The following USP25 variants were observed in gnomAD, a reference collection of about 807,000 sequenced individuals.
USP25 encodes the protein ubiquitin carboxyl-terminal hydrolase 25.
Under a neutral mutation model 158.5 loss-of-function variants are expected in USP25, and 85 were observed. The observed-to-expected ratio is 0.54, with a 90% CI of 0.45 to 0.64. The LOEUF is 0.64. Among genes scored for constraint, USP25 ranks in the 30% least tolerant of loss-of-function variants. USP25 has a pLI of 0.00. For synonymous variants in USP25, 464 were observed against 460.4 expected, an observed-to-expected ratio of 1.01 and a Z score of -0.10; for missense variants, 1,242 against 1,327.3, an observed-to-expected ratio of 0.94 and a Z score of 1.00.
Position 15,879,688 on chromosome 21 carries a change from C to G in USP25, c.*1213C>G, listed in dbSNP as rs547480627. 7 of 152,628 alleles carry G rather than the reference C, an allele frequency of 4.6e-5. No individual in the cohort carries two copies. The highest frequency in any genetic ancestry group is 1.7e-4 in the African/African-American group (7 of 41,556). 9.5% of individuals were successfully genotyped at this position (152,628 alleles called of 1,614,324 possible). On this transcript the variant is annotated 3_prime_UTR_variant, in exon 26 of 26. Coordinates refer to ENST00000400183, the MANE Select transcript of USP25 (RefSeq NM_001283041.3). ...TTCTTTATAAATGATGTTTTGTGAA[C>G]ATAGTAAAATAGACCATTATACTAT...
At chr21:15,777,533 G>A (rs2034727712) in intron 3 of USP25, among the ~76,000 whole-genome samples, 2 of 152,080 alleles carry the variant, frequency 1.3e-5, no homozygotes, top group Non-Finnish European at 2.9e-5. Context: ...TATGTAATCG[G>A]GTTAACTTCA....
In USP25 at chr21:15,791,562, T is replaced by C; in HGVS notation, c.453T>C (p.Val151=). The C allele has an allele frequency of 6.2e-7, 1 of 1,611,670 alleles. No homozygotes were observed. The highest frequency in any genetic ancestry group is 1.1e-5 in the South Asian group (1 of 90,930). Residue 151 remains valine (V), a synonymous_variant, in exon 5 of 26, where the codon GTT becomes GTC. Transcript: ENST00000400183. ...GTTTGAAGAGGACACCTACAGAAGT[T>C]TGGAGGGATTCTCGAAACCCTTATG... ...KACLKRTPTE[V]WRDSRNPYDR...
intron 8 of USP25, 134 bp downstream of exon 8, chr21:15,809,019 T>C (rs979246146): frequency 3.1e-6 from 2 of 639,674 alleles, no homozygotes; most frequent in African/African-American, 3.8e-5. Context: ...TGACAAGCTG[T>C]TTAGAATTTG....
chr21:15,750,879 A>G (rs139239373), intron 1 of USP25, among the ~76,000 whole-genome samples: 2,602 of 151,902 alleles, frequency 0.017, 77 homozygotes, highest in African/African-American at 0.059. Context: ...CCGCCTCCCA[A>G]AGTGCTTGGA....
intron 8 of USP25, 127 bp downstream of exon 8, chr21:15,809,012 C>A: frequency 1.5e-6 from 1 of 656,186 alleles, no homozygotes; most frequent in Non-Finnish European, 2.3e-6. Flanking sequence ...GTATTATTGA[C>A]AAGCTGTTTA....
intron 1 of USP25, among the ~76,000 whole-genome samples, chr21:15,735,629 T>G (rs573323150): frequency 3.9e-5 from 6 of 152,200 alleles, no homozygotes; most frequent in African/African-American, 1.4e-4. Flanking sequence ...ATAAAATGAT[T>G]AGAAGGCTTT....
intron 3 of USP25, among the ~76,000 whole-genome samples, chr21:15,770,670 A>G (rs1325454520): frequency 6.6e-6 from 1 of 152,210 alleles, no homozygotes; most frequent in Admixed American, 6.5e-5. Flanking sequence ...CTAGTCACAC[A>G]TGGCAATTAA....
intron 20 of USP25, among the ~76,000 whole-genome samples, chr21:15,861,310 G>A (rs2039418332): frequency 6.6e-6 from 1 of 152,042 alleles, no homozygotes; most frequent in Non-Finnish European, 1.5e-5. Context: ...TTGAATAAAT[G>A]GCATTAAGCC....
chr21:15,825,479 A>G (rs924297177), intron 12 of USP25, among the ~76,000 whole-genome samples: 2 of 152,130 alleles, frequency 1.3e-5, no homozygotes, highest in Non-Finnish European at 1.5e-5. Context: ...GTCAGGTGTA[A>G]GATGGTATGT....
rs182538322 is a variant in USP25 at position 15,801,475 on chromosome 21, A to G, written c.642+1632A>G. 9.9e-5 allele frequency among the ~76,000 whole-genome samples: 15 copies of G among 151,622 alleles called. No homozygotes were observed. The East Asian group carries it at 1.9e-3, about 20-fold the overall frequency. The stretch of plus-strand genomic sequence containing the variant: ...AGACAATTACTTAGAATACTGTGCA[A>G]TTTTATATGATTATTCCACAAATGT... On this transcript the variant is annotated intron_variant, in intron 6 of 25. Coordinates refer to ENST00000400183, the MANE Select transcript of USP25 (RefSeq NM_001283041.3).
Position 15,838,641 on chromosome 21 carries a change from T to C in USP25, c.2195-3757T>C, listed in dbSNP as rs534432836. ...GGTATTGTGGACTTTTAAATACATTTCTAGAAATGGATGCACTGTGTATCT... is the reference window on the plus strand; with the variant it reads ...GGTATTGTGGACTTTTAAATACATTCCTAGAAATGGATGCACTGTGTATCT... On this transcript the variant is annotated intron_variant, in intron 17 of 25. Transcript: ENST00000400183. 2.6e-5 allele frequency among the ~76,000 whole-genome samples: 4 copies of C among 152,280 alleles called. No homozygotes were observed. The East Asian group carries it at 7.7e-4, about 29-fold the overall frequency.
chr21:15,781,592 C>T (rs982469884), intron 4 of USP25, among the ~76,000 whole-genome samples: 3 of 152,020 alleles, frequency 2.0e-5, no homozygotes, highest in African/African-American at 7.3e-5. Flanking sequence ...TGGAGAGTAC[C>T]AAGAGAACAG....
chr21:15,866,199 A>T, intron 21 of USP25, 67 bp from the exon 22 acceptor site: 1 of 1,004,676 alleles, frequency 1.0e-6, no homozygotes, highest in Non-Finnish European at 1.3e-6. Context: ...CTTTTGATTT[A>T]CAAATATATA....
At chr21:15,801,842 T>C (rs1430804612) in intron 6 of USP25, among the ~76,000 whole-genome samples, 1 of 151,540 alleles carries the variant, frequency 6.6e-6, no homozygotes, top group African/African-American at 2.4e-5. Context: ...TACATACATA[T>C]TGAGTGAGAT....
intron 1 of USP25, among the ~76,000 whole-genome samples, chr21:15,753,515 C>T (rs902174566): frequency 6.6e-6 from 1 of 152,144 alleles, no homozygotes; most frequent in South Asian, 2.1e-4. Context: ...ATATTTTATA[C>T]AAACCTTCAA....
chr21:15,802,125 A>G (rs556918869), intron 6 of USP25, among the ~76,000 whole-genome samples: 10 of 151,744 alleles, frequency 6.6e-5, no homozygotes, highest in African/African-American at 2.2e-4. Flanking sequence ...CACATGTATA[A>G]TATTTAGTGG....
At chr21:15,838,631 T>G (rs565465194) in intron 17 of USP25, among the ~76,000 whole-genome samples, 16 of 152,292 alleles carry the variant, frequency 1.1e-4, no homozygotes, top group Admixed American at 2.6e-4. Context: ...TGTGGACTTT[T>G]AAATACATTT....
intron 7 of USP25, among the ~76,000 whole-genome samples, chr21:15,808,137 G>A (rs2036483795): frequency 6.6e-6 from 1 of 152,158 alleles, no homozygotes; most frequent in Non-Finnish European, 1.5e-5. Context: ...CAGTAGAGTT[G>A]ATTTATTGTT....
intron 17 of USP25, among the ~76,000 whole-genome samples, chr21:15,836,208 C>T (rs1156383448): frequency 1.3e-5 from 2 of 152,226 alleles, no homozygotes; most frequent in South Asian, 2.1e-4. Flanking sequence ...AAAATCTTCT[C>T]GTTAAAGCTG....
Sources: allele counts gnomAD v4.1 joint callset (sites outside exome capture counted in the v4.1 genomes callset), GRCh38; gene constraint gnomAD v4.1.1; transcripts MANE v1.5; gene names NCBI Gene and HGNC (gene_info 2026-07-23, HGNC 2026-07-21).